Variants in TRIM33 observed in about 807,000 individuals in gnomAD.
The protein encoded by TRIM33 is E3 ubiquitin-protein ligase TRIM33.
A neutral mutation model predicts 125.4 loss-of-function variants in TRIM33; 20 were observed. That is an observed-to-expected ratio of 0.16 (90% CI 0.11 to 0.23). The LOEUF is 0.23. TRIM33 is among the 10% of genes least tolerant of loss of function. TRIM33 has a pLI of 1.00. For synonymous variants in TRIM33, 564 were observed against 513.9 expected, an observed-to-expected ratio of 1.10 and a Z score of -1.32; for missense variants, 920 against 1,411.4, an observed-to-expected ratio of 0.65 and a Z score of 5.58.
chr1:114,400,897 G>C (rs896076134), intron 17 of TRIM33, among the ~76,000 whole-genome samples: 2 of 152,096 alleles, frequency 1.3e-5, no homozygotes, highest in Non-Finnish European at 2.9e-5. Context: ...ATTTTACATA[G>C]GTTATTTTAT....
chr1:114,485,975 G>A (rs928064342), intron 1 of TRIM33, among the ~76,000 whole-genome samples: 1 of 152,096 alleles, frequency 6.6e-6, no homozygotes, highest in Non-Finnish European at 1.5e-5. Flanking sequence ...TTATGAAAAT[G>A]CTTCAAAAAG....
At position 114,463,111 on chromosome 1, in the gene TRIM33, C is replaced by T; in HGVS notation, c.916G>A (p.Glu306Lys). 1.9e-6 allele frequency: 3 copies of T among 1,599,038 alleles called. No individual in the cohort carries two copies. The highest frequency in any genetic ancestry group is 2.6e-6 in the Non-Finnish European group (3 of 1,175,776). ...CRDCQLLEHK[E>K]HRYQFLEEAF... The stretch of plus-strand genomic sequence containing the variant: ...CAATTATGATTTCTGTACCTATGTT[C>T]TTTGTGTTCCAATAGCTGACAGTCT... The change falls in exon 4 of 20, where the codon GAA becomes AAA. Residue 306 changes from glutamate to lysine, a missense_variant. By Grantham distance (56) the Glu-to-Lys change is moderately conservative (BLOSUM62 1). Around this residue, in one of 8 missense-constraint regions of TRIM33, gnomAD observed 50 missense variants for 110.8 expected, o/e 0.45. Coordinates refer to ENST00000358465, the MANE Select transcript of TRIM33 (RefSeq NM_015906.4).
intron 4 of TRIM33, among the ~76,000 whole-genome samples, chr1:114,449,210 T>C (rs1263902014): frequency 6.6e-6 from 1 of 151,826 alleles, no homozygotes; most frequent in Non-Finnish European, 1.5e-5. Flanking sequence ...GGCCCAGTCA[T>C]ACACGAGATG....
chr1:114,491,866 C>T (rs188681591), intron 1 of TRIM33, among the ~76,000 whole-genome samples: 4 of 152,270 alleles, frequency 2.6e-5, no homozygotes, highest in African/African-American at 9.6e-5. Flanking sequence ...AGCCAAAACA[C>T]TGTAACTCAT....
rs1382180166 is a variant in TRIM33, at chr1:114,399,714, G to C, written c.2968-105C>G. On this transcript the variant is annotated intron_variant, in intron 17 of 19. Coordinates refer to ENST00000358465, the MANE Select transcript of TRIM33 (RefSeq NM_015906.4). ...TTTTAGGGAAAAAAATTATTATAGA[G>C]CCAGCTGCTTGCAAATTTTGAGTAT... is the stretch of plus-strand genomic sequence containing the variant. 17 of 1,004,952 alleles carry C rather than the reference G, an allele frequency of 1.7e-5. No homozygotes were observed. The Admixed American group carries it at 3.3e-4, about 20-fold the overall frequency. 62.3% of individuals were successfully genotyped at this position (1,004,952 alleles called of 1,614,324 possible).
At chr1:114,463,284 G>A in intron 3 of TRIM33, 48 bp from the exon 4 acceptor site, 1 of 1,564,396 alleles carries the variant, frequency 6.4e-7, no homozygotes, top group Non-Finnish European at 8.6e-7. Flanking sequence ...TAAAATTTTT[G>A]TCTAGTTTTC....
At chr1:114,469,046 T>C (rs774132715) in intron 1 of TRIM33, 2 of 247,752 alleles carry the variant, frequency 8.1e-6, no homozygotes, top group Admixed American at 5.7e-5. Context: ...AGTGGTTCTA[T>C]AGATGGTAAT....
At chr1:114,464,436 A>G (rs1055374446) in intron 1 of TRIM33, 48 bp from the exon 2 acceptor site, 1 of 1,123,368 alleles carries the variant, frequency 8.9e-7, no homozygotes, top group South Asian at 1.5e-5. Context: ...AGGAATAAAG[A>G]AATTGTGCAT....
chr1:114,427,848 T>C lies in TRIM33; in HGVS notation c.1202A>G (p.Asp401Gly). The C allele has an allele frequency of 2.5e-6, 4 of 1,614,190 alleles. No individual in the cohort carries two copies. Among genetic ancestry groups the C allele is most frequent in the South Asian group, 1.1e-5 (1 of 91,088 alleles). Reference protein sequence around the residue: ...RQMKLLQQQNDITGLSRQVKH... With the variant: ...RQMKLLQQQNGITGLSRQVKH... ...CACCTGCCGGGAAAGGCCTGTGATG[T>C]CATTCTGCTGCTGTAGTAACTTCAT... Residue 401 changes from aspartate (D) to glycine (G), a missense_variant, in exon 7 of 20, where the codon GAC (aspartate) becomes GGC (glycine). Coordinates refer to ENST00000358465, the MANE Select transcript of TRIM33 (RefSeq NM_015906.4).
intron 1 of TRIM33, among the ~76,000 whole-genome samples, chr1:114,491,162 C>T (rs141911348): frequency 4.6e-5 from 7 of 152,154 alleles, no homozygotes; most frequent in Admixed American, 3.3e-4. Context: ...ATTAACATAT[C>T]GTTTGTGAAT....
intron 1 of TRIM33, among the ~76,000 whole-genome samples, chr1:114,477,824 T>TA (rs1180967074): frequency 1.3e-5 from 2 of 152,166 alleles, no homozygotes; most frequent in African/African-American, 4.8e-5. Context: ...AACTAAAAAT[T>TA]AAATCACCAC....
In TRIM33 at chr1:114,395,534, A is replaced by C. The variant is rs1461751405; in HGVS notation, c.*2114T>G. ...TAGAACTCAAAGGCCTGACAAAATG[A>C]AGTTATACTGCTGCTATTCCTCACT... On this transcript the variant is annotated 3_prime_UTR_variant, in exon 20 of 20. Transcript: ENST00000358465. 1 of 202,236 alleles carries C rather than the reference A, an allele frequency of 4.9e-6. No individual in the cohort carries two copies. The highest frequency in any genetic ancestry group is 6.0e-5 in the Admixed American group (1 of 16,670). 12.5% of individuals were successfully genotyped at this position (202,236 alleles called of 1,614,324 possible). A position where few individuals can be genotyped will look rare whatever the true frequency, so the allele number is the denominator to read the frequency against.
At chr1:114,446,631 A>G (rs1648997684) in intron 4 of TRIM33, among the ~76,000 whole-genome samples, 1 of 152,220 alleles carries the variant, frequency 6.6e-6, no homozygotes, top group South Asian at 2.1e-4. Flanking sequence ...TAAACTTAAA[A>G]TAATGCAGCA....
At chr1:114,463,351 TA>T (rs1650103134) in intron 3 of TRIM33, 60 bp downstream of exon 3, 1 of 1,562,750 alleles carries the variant, frequency 6.4e-7, no homozygotes, top group African/African-American at 1.4e-5. Context: ...GAAAATTCTA[TA>T]GGGGCAAAAG....
intron 1 of TRIM33, among the ~76,000 whole-genome samples, chr1:114,486,244 C>G (rs1386891402): frequency 2.0e-5 from 3 of 152,182 alleles, no homozygotes; most frequent in East Asian, 1.9e-4. Flanking sequence ...ACACTGAACC[C>G]CAGCCTGGGC....
At chr1:114,410,104 C>G (rs1272224585) in intron 12 of TRIM33, 80 bp downstream of exon 12, 2 of 1,520,874 alleles carry the variant, frequency 1.3e-6, no homozygotes, top group Non-Finnish European at 1.8e-6. Context: ...TTCTGTTTTT[C>G]TGGAGAATTC....
At position 114,394,085 on chromosome 1, in the gene TRIM33, T is replaced by A. The variant is rs1017969401; in HGVS notation, c.*3563A>T. On this transcript the variant is annotated 3_prime_UTR_variant, in exon 20 of 20. Transcript: ENST00000358465. Reference sequence around the variant, plus strand: ...AAAATCTTGAGTCACCTTCAGCAGATCATTAACATAGATGGTACAGAAATT... The same window carrying A: ...AAAATCTTGAGTCACCTTCAGCAGAACATTAACATAGATGGTACAGAAATT... 5 of 227,748 alleles carry A rather than the reference T, an allele frequency of 2.2e-5. No homozygotes were observed. Among genetic ancestry groups the A allele is most frequent in the East Asian group, 6.3e-5 (1 of 15,880 alleles). 14.1% of individuals were successfully genotyped at this position (227,748 alleles called of 1,614,324 possible).
At chr1:114,432,664 T>C (rs970024596) in intron 5 of TRIM33, among the ~76,000 whole-genome samples, 5 of 152,138 alleles carry the variant, frequency 3.3e-5, no homozygotes, top group Non-Finnish European at 7.4e-5. Flanking sequence ...TGGGCGCCTG[T>C]AGCCCCAGCT....
At chr1:114,487,765 C>T (rs1358827616) in intron 1 of TRIM33, among the ~76,000 whole-genome samples, 1 of 150,470 alleles carries the variant, frequency 6.6e-6, no homozygotes, top group African/African-American at 2.4e-5. Flanking sequence ...GGCGCGGTGG[C>T]GGGCGCCTGT....
Sources: allele counts gnomAD v4.1 joint callset (sites outside exome capture counted in the v4.1 genomes callset), GRCh38; gene constraint gnomAD v4.1.1; regional missense constraint gnomAD v4.1.1; transcripts MANE v1.5; gene names NCBI Gene and HGNC (gene_info 2026-07-23, HGNC 2026-07-21).